Variants in ATAD3B observed in about 807,000 individuals in gnomAD.
ATAD3B encodes ATPase family AAA domain-containing protein 3B.
A neutral mutation model predicts 70.2 loss-of-function variants in ATAD3B; 59 were observed. The ratio of observed to expected loss-of-function variants is 0.84; its 90% CI spans 0.68 to 1.04. ATAD3B has a LOEUF of 1.04. Among genes scored for constraint, ATAD3B ranks in the 50% least tolerant of loss-of-function variants. The pLI is 0.00. For synonymous variants in ATAD3B, 423 were observed against 388.6 expected (o/e 1.09, Z -1.04); for missense variants, 961 against 913.4 (o/e 1.05, Z -0.67).
chr1:1,485,325 G>A (rs1430972366), intron 8 of ATAD3B, among the ~76,000 whole-genome samples, 154 bp downstream of exon 8: 6 of 152,188 alleles, frequency 3.9e-5, no homozygotes, highest in South Asian at 2.1e-4. Context: ...CCTGTCTGGC[G>A]CTGTACCTTA....
chr1:1,484,785 C>T (rs1640111439), intron 7 of ATAD3B: 2 of 1,215,694 alleles, frequency 1.6e-6, no homozygotes, highest in East Asian at 2.6e-5. Context: ...TTTATGCTGC[C>T]AGTTGCAGAG....
chr1:1,483,128 A>G (rs762997235), intron 7 of ATAD3B: 1 of 401,814 alleles, frequency 2.5e-6, no homozygotes, highest in South Asian at 1.8e-5. Context: ...TGTCTCTACT[A>G]AAAAAAAGAA....
chr1:1,494,700 A>T (rs550943444), intron 15 of ATAD3B, among the ~76,000 whole-genome samples: 2 of 151,980 alleles, frequency 1.3e-5, no homozygotes, highest in East Asian at 3.9e-4. Context: ...CGTGAGATGA[A>T]TCCTGCCTCT....
chr1:1,509,114 G>A, the ATAD3B span: 1 of 1,496,040 alleles, frequency 6.7e-7, no homozygotes, highest in Non-Finnish European at 8.9e-7. Flanking sequence ...GGAGCCCCTG[G>A]TTTGGTCCCT....
intron 13 of ATAD3B, 63 bp from the exon 14 acceptor site, chr1:1,490,194 C>T (rs942109093): frequency 7.6e-6 from 12 of 1,580,724 alleles, no homozygotes; most frequent in Admixed American, 7.1e-5. Flanking sequence ...GAGGAGCCCC[C>T]GTTGCCCTCG....
At chr1:1,480,276 C>G (rs1214458445) in intron 4 of ATAD3B, among the ~76,000 whole-genome samples, 1 of 143,674 alleles carries the variant, frequency 7.0e-6, no homozygotes, top group South Asian at 2.3e-4. Context: ...TGCACACCCC[C>G]ACACACAGAC....
In ATAD3B at chr1:1,484,897, C is replaced by T. The variant is rs187057684; in HGVS notation, c.751-119C>T. Reference sequence around the variant, plus strand: ...GGAATTCGGGTTCCTGTGGGGCCAGCACACGGCCCTGTGCTTCTCCCTCAG... The same window carrying T: ...GGAATTCGGGTTCCTGTGGGGCCAGTACACGGCCCTGTGCTTCTCCCTCAG... On this transcript the variant is annotated intron_variant, in intron 7 of 15. Transcript: ENST00000673477. 2.1e-4 allele frequency: 300 copies of T among 1,447,554 alleles called. 3 individuals carry two copies. Among genetic ancestry groups the T allele is most frequent in the African/African-American group, 1.8e-3 (127 of 70,348 alleles). The allele number at this position is 1,447,554 out of a possible 1,614,324, so 89.7% of individuals were successfully genotyped here.
chr1:1,473,134 C>CTTTTTTTT (rs569834397), intron 1 of ATAD3B, among the ~76,000 whole-genome samples: 2 of 84,396 alleles, frequency 2.4e-5, no homozygotes, highest in Admixed American at 1.6e-4. Flanking sequence ...GAAGGGATTC[C>CTTTTTTTT]TTTTTTTTTT....
intron 4 of ATAD3B, among the ~76,000 whole-genome samples, chr1:1,479,473 C>A (rs1390855004): frequency 7.0e-6 from 1 of 142,584 alleles, no homozygotes; most frequent in Non-Finnish European, 1.5e-5. Context: ...CACACACACA[C>A]CCCTGTGCGC....
In ATAD3B at chr1:1,496,037, C is replaced by A; in HGVS notation, c.*220C>A. 1 of 1,330,330 alleles carries A rather than the reference C, an allele frequency of 7.5e-7. No individual in the cohort carries two copies. The highest frequency in any genetic ancestry group is 2.8e-5 in the East Asian group (1 of 36,216). 82.4% of individuals were successfully genotyped at this position (1,330,330 alleles called of 1,614,324 possible). A position where few individuals can be genotyped will look rare whatever the true frequency, so the allele number is the denominator to read the frequency against. On this transcript the variant is annotated 3_prime_UTR_variant, in exon 16 of 16. Transcript: ENST00000673477. Reference sequence around the variant, plus strand: ...ACAGCAGAGCCAGGTGAGGGGGGGCCTGCCAGGACTAGACAGAAGTGGGGC... The same window carrying A: ...ACAGCAGAGCCAGGTGAGGGGGGGCATGCCAGGACTAGACAGAAGTGGGGC...
At chr1:1,477,479 C>A in intron 2 of ATAD3B, 129 bp downstream of exon 2, 1 of 1,460,270 alleles carries the variant, frequency 6.8e-7, no homozygotes, top group Non-Finnish European at 9.3e-7. Context: ...CAGGGCCGAG[C>A]TTGGGCGCCT....
Position 1,476,483 on chromosome 1 carries a change from G to T in ATAD3B, c.206-791G>T, listed in dbSNP as rs564296415. ...CAACCCAGGAGCATCGGGGGTCCCT[G>T]CCTACTTTACACGTCTTTCTGTGTT... is the stretch of plus-strand genomic sequence containing the variant. On this transcript the variant is annotated intron_variant, in intron 1 of 15. Coordinates refer to ENST00000673477, the MANE Select transcript of ATAD3B (RefSeq NM_031921.6). Among the ~76,000 whole-genome samples the T allele has an allele frequency of 1.4e-3, 206 of 151,494 alleles. 4 individuals are homozygous for T. Among genetic ancestry groups the T allele is most frequent in the South Asian group, 5.0e-3 (24 of 4,764 alleles).
chr1:1,489,169 T>A (rs754301672), intron 12 of ATAD3B, 35 bp from the exon 13 acceptor site: 4 of 1,612,710 alleles, frequency 2.5e-6, no homozygotes, highest in Non-Finnish European at 3.4e-6. Context: ...AAGGCTTTGC[T>A]TCTGGTGCCT....
downstream of ATAD3B, among the ~76,000 whole-genome samples, chr1:1,500,477 A>G (rs1204332098): frequency 1.5e-4 from 22 of 145,016 alleles, 1 homozygote; most frequent in African/African-American, 3.8e-4. Flanking sequence ...GCGTGAACCC[A>G]GGAGGCGGAG....
chr1:1,479,670 C>CA (rs1320333720), intron 4 of ATAD3B, among the ~76,000 whole-genome samples: 2 of 142,276 alleles, frequency 1.4e-5, no homozygotes, highest in Non-Finnish European at 3.0e-5. Context: ...CACACCCAAA[C>CA]ACACATGGGT....
downstream of ATAD3B, among the ~76,000 whole-genome samples, chr1:1,500,675 A>T (rs142108975): frequency 3.3e-4 from 50 of 151,148 alleles, 1 homozygote; most frequent in East Asian, 9.5e-3. Context: ...CACTTCAGGC[A>T]GGGCGCAGTG....
At chr1:1,472,332 G>C (rs932333296) in intron 1 of ATAD3B, among the ~76,000 whole-genome samples, 1 of 151,928 alleles carries the variant, frequency 6.6e-6, no homozygotes, top group Non-Finnish European at 1.5e-5. Flanking sequence ...CGGAGGTGGC[G>C]CTCATAGGTT....
downstream of ATAD3B, among the ~76,000 whole-genome samples, chr1:1,500,413 G>A (rs1192270974): frequency 1.4e-4 from 21 of 148,740 alleles, no homozygotes; most frequent in Non-Finnish European, 7.4e-5. Context: ...ATAGCCGGGC[G>A]TGGTGGCGGG....
chr1:1,500,962 C>T (rs1359188695), downstream of ATAD3B, among the ~76,000 whole-genome samples: 2 of 152,068 alleles, frequency 1.3e-5, no homozygotes, highest in East Asian at 1.9e-4. Flanking sequence ...TCTCAAAAGC[C>T]ACTCCAAAGG....
Sources: allele counts gnomAD v4.1 joint callset (sites outside exome capture counted in the v4.1 genomes callset), GRCh38; gene constraint gnomAD v4.1.1; transcripts MANE v1.5; gene names NCBI Gene and HGNC (gene_info 2026-07-23, HGNC 2026-07-21).